Variants in VPS13A observed in about 807,000 individuals in gnomAD.
VPS13A encodes vacuolar protein sorting 13 homolog A.
VPS13A carries 264 observed loss-of-function variants against 390.9 expected under a neutral mutation model. The ratio of observed to expected loss-of-function variants is 0.68; its 90% CI spans 0.61 to 0.75. The LOEUF (loss-of-function observed/expected upper bound fraction) is 0.75. VPS13A is among the 30% of genes least tolerant of loss of function. The pLI is 0.00. For synonymous variants in VPS13A, 1,231 were observed against 1,227.1 expected, an observed-to-expected ratio of 1.00 and a Z score of -0.07; for missense variants, 3,409 against 3,733.9, an observed-to-expected ratio of 0.91 and a Z score of 2.27.
At chr9:77,379,238 A>C (rs1833293193) in intron 67 of VPS13A, among the ~76,000 whole-genome samples, 1 of 142,682 alleles carries the variant, frequency 7.0e-6, no homozygotes, top group African/African-American at 2.7e-5. Flanking sequence ...ATACCCAGCT[A>C]ATTTTTTTTT....
chr9:77,297,505 T>C (rs757265676), intron 33 of VPS13A, among the ~76,000 whole-genome samples: 4 of 152,004 alleles, frequency 2.6e-5, no homozygotes, highest in Admixed American at 6.6e-5. Flanking sequence ...TTCCAACTCT[T>C]TGGAATCACT....
chr9:77,331,706 T>A (rs1323027958), intron 45 of VPS13A, among the ~76,000 whole-genome samples: 1 of 152,034 alleles, frequency 6.6e-6, no homozygotes, highest in Non-Finnish European at 1.5e-5. Context: ...TCTACTATTT[T>A]TATCTAAACA....
chr9:77,200,942 AT>A (rs1825297957), intron 2 of VPS13A, among the ~76,000 whole-genome samples: 1 of 152,158 alleles, frequency 6.6e-6, no homozygotes, highest in African/African-American at 2.4e-5. Context: ...AGCACCATTT[AT>A]TTAAAAGGCT....
intron 3 of VPS13A, among the ~76,000 whole-genome samples, chr9:77,204,564 G>A (rs1002336905): frequency 9.9e-5 from 15 of 151,880 alleles, no homozygotes; most frequent in South Asian, 6.2e-4. Context: ...ACATACATAC[G>A]TATGTAACAC....
At chr9:77,355,808 C>A (rs1261676797) in intron 54 of VPS13A, among the ~76,000 whole-genome samples, 1 of 152,160 alleles carries the variant, frequency 6.6e-6, no homozygotes, top group African/African-American at 2.4e-5. Context: ...TGTGCTGGTT[C>A]TACCTTCAAA....
intron 12 of VPS13A, 28 bp downstream of exon 12, chr9:77,220,411 TA>T: frequency 7.7e-7 from 1 of 1,291,496 alleles, no homozygotes; most frequent in Non-Finnish European, 1.1e-6. Context: ...TTTTTTTTTT[TA>T]GATTTTAAAA....
At chr9:77,296,230 C>T (rs1476627040) in intron 33 of VPS13A, among the ~76,000 whole-genome samples, 4 of 152,156 alleles carry the variant, frequency 2.6e-5, no homozygotes, top group African/African-American at 9.7e-5. Context: ...GTTGCTGTGG[C>T]TCTGATGCTG....
At position 77,420,401 on chromosome 9, in the gene VPS13A, A is replaced by G. The variant is rs943698747; in HGVS notation, c.*4395A>G. 21 of 151,892 alleles carry G rather than the reference A, an allele frequency of 1.4e-4. No individual in the cohort carries two copies. The East Asian group carries it at 2.7e-3, about 20-fold the overall frequency. 9.4% of individuals were successfully genotyped at this position (151,892 alleles called of 1,614,324 possible). On this transcript the variant is annotated 3_prime_UTR_variant, in exon 72 of 72. Transcript: ENST00000360280. ...CTACTTTATATTTCCTCTTTTGTAA[A>G]TTTTTCCATGTCATTTAAAAAATTT...
intron 45 of VPS13A, among the ~76,000 whole-genome samples, chr9:77,331,357 A>G (rs1246098736): frequency 1.3e-5 from 2 of 152,138 alleles, no homozygotes; most frequent in Admixed American, 6.5e-5. Flanking sequence ...GTTCCTGTTC[A>G]CATCATTTTC....
intron 2 of VPS13A, among the ~76,000 whole-genome samples, chr9:77,200,951 G>T (rs12341336): frequency 0.13 from 19,197 of 152,064 alleles, 1,308 homozygotes; most frequent in African/African-American, 0.18. Flanking sequence ...TATTTAAAAG[G>T]CTATTCTTTG....
At chr9:77,273,409 T>TAAG in intron 24 of VPS13A, 45 bp downstream of exon 24, 2 of 1,477,064 alleles carry the variant, frequency 1.4e-6, no homozygotes, top group Non-Finnish European at 1.8e-6. Context: ...TTTATTAAAA[T>TAAG]AATTTCTGTT....
At chr9:77,250,260 A>G (rs764174714) in intron 21 of VPS13A, 31 bp downstream of exon 21, 3 of 1,610,214 alleles carry the variant, frequency 1.9e-6, no homozygotes, top group Non-Finnish European at 2.5e-6. Context: ...TTGTTGATTG[A>G]TTTTGTTGAA....
At position 77,416,333 on chromosome 9, in the gene VPS13A, G is replaced by A; in HGVS notation, c.*327G>A. 7.1e-6 allele frequency: 2 copies of A among 283,510 alleles called. No homozygotes were observed. The highest frequency in any genetic ancestry group is 1.4e-5 in the Non-Finnish European group (2 of 145,816). 17.6% of individuals were successfully genotyped at this position (283,510 alleles called of 1,614,324 possible). On this transcript the variant is annotated 3_prime_UTR_variant, in exon 72 of 72. Coordinates refer to ENST00000360280, the MANE Select transcript of VPS13A (RefSeq NM_033305.3). Reference sequence around the variant, plus strand: ...TTGCTCCATCTTTTTCTCTGTAATGGTGGAGAGGCTGCCCATAATTCATCT... The same window carrying A: ...TTGCTCCATCTTTTTCTCTGTAATGATGGAGAGGCTGCCCATAATTCATCT...
At chr9:77,396,894 C>T (rs1052389577) in intron 68 of VPS13A, among the ~76,000 whole-genome samples, 5 of 152,180 alleles carry the variant, frequency 3.3e-5, no homozygotes, top group East Asian at 1.9e-4. Flanking sequence ...CACTCATCTC[C>T]GGAACCCTCA....
chr9:77,298,906 A>G (rs1190356913), intron 33 of VPS13A, among the ~76,000 whole-genome samples: 4 of 152,078 alleles, frequency 2.6e-5, no homozygotes, highest in African/African-American at 9.7e-5. Flanking sequence ...GCTGTGTAAG[A>G]TGTGCCGCTG....
intron 68 of VPS13A, among the ~76,000 whole-genome samples, chr9:77,390,981 A>G (rs1833875567): frequency 6.6e-6 from 1 of 152,190 alleles, no homozygotes. Flanking sequence ...AATTCAATAC[A>G]TTATAACATT....
chr9:77,229,890 A>G (rs1316161316), intron 17 of VPS13A, among the ~76,000 whole-genome samples: 1 of 152,198 alleles, frequency 6.6e-6, no homozygotes, highest in African/African-American at 2.4e-5. Flanking sequence ...CATGAACAGT[A>G]TATGATGTTT....
chr9:77,326,626 T>C lies in VPS13A; in HGVS notation c.5991+3399T>C, dbSNP rs188451311. 2.7e-3 allele frequency among the ~76,000 whole-genome samples: 407 copies of C among 152,254 alleles called. 4 individuals carry two copies. Among genetic ancestry groups the C allele is most frequent in the Middle Eastern group, 3.4e-3 (1 of 294 alleles). ...TTAACATCCTTAGTCTTCTAACTTT[T>C]TAGTGATATTGGATATAATTTTAAT... On this transcript the variant is annotated intron_variant, in intron 45 of 71. Transcript: ENST00000360280.
rs1587655466 is a variant in VPS13A, at chr9:77,359,389, A to G, written c.8092A>G (p.Ile2698Val). 1.9e-6 allele frequency: 3 copies of G among 1,612,656 alleles called. No individual in the cohort carries two copies. Among genetic ancestry groups the G allele is most frequent in the Non-Finnish European group, 2.5e-6 (3 of 1,178,912 alleles). Residue 2698 changes from isoleucine to valine, a missense_variant, in exon 58 of 72, where the codon ATA (isoleucine) becomes GTA (valine). By Grantham distance (29) the Ile-to-Val change is conservative (BLOSUM62 3). Around this residue, in one of 5 missense-constraint regions of VPS13A, gnomAD observed 221 missense variants for 300.7 expected, o/e 0.73. Coordinates refer to ENST00000360280, the MANE Select transcript of VPS13A (RefSeq NM_033305.3). ...CATGAGATCTGCAGGACATTCCCAG[A>G]TATCACGTATTAAGTAAGTGTCTTA... ...IVMRSAGHSQ[I>V]SRIKYFKVLI...
Sources: allele counts gnomAD v4.1 joint callset (sites outside exome capture counted in the v4.1 genomes callset), GRCh38; gene constraint gnomAD v4.1.1; regional missense constraint gnomAD v4.1.1; transcripts MANE v1.5; gene names NCBI Gene and HGNC (gene_info 2026-07-23, HGNC 2026-07-21).